The following HECW1 variants were observed in gnomAD, a reference collection of about 807,000 sequenced individuals.
HECW1 encodes the protein E3 ubiquitin-protein ligase HECW1.
A neutral mutation model predicts 182.3 loss-of-function variants in HECW1; 61 were observed. The ratio of observed to expected loss-of-function variants is 0.33; its 90% CI spans 0.27 to 0.41. HECW1 has a LOEUF of 0.41. Ranked by LOEUF, HECW1 falls within the 10% of genes least tolerant of loss-of-function variation. HECW1 has a pLI of 1.00. For synonymous variants in HECW1, 859 were observed against 832.6 expected (o/e 1.03, Z -0.55); for missense variants, 1,739 against 2,108.9 (o/e 0.82, Z 3.44).
At chr7:43,279,462 C>T (rs544698274) in intron 3 of HECW1, among the ~76,000 whole-genome samples, 1 of 152,258 alleles carries the variant, frequency 6.6e-6, no homozygotes, top group African/African-American at 2.4e-5. Context: ...CGGTGAGCTG[C>T]AAGGTTCTGC....
intron 2 of HECW1, among the ~76,000 whole-genome samples, chr7:43,120,261 G>A (rs1403426055): frequency 2.6e-5 from 4 of 152,124 alleles, no homozygotes; most frequent in Admixed American, 6.5e-5. Flanking sequence ...CTGGAGGGAC[G>A]GTCCCCCAGC....
At position 43,502,170 on chromosome 7, in the gene HECW1, A is replaced by G. The variant is rs531732843; in HGVS notation, c.3631+848A>G. Among the ~76,000 whole-genome samples, 25 of 152,318 alleles carry G rather than the reference A, an allele frequency of 1.6e-4. No homozygotes were observed. The South Asian group carries it at 5.2e-3, about 32-fold the overall frequency. ...CCTTGTGACTCTGAATCGATTGCAC[A>G]CCACTTTTGGTGATACAGCTACTAG... On this transcript the variant is annotated intron_variant, in intron 21 of 29. Transcript: ENST00000395891.
At chr7:43,302,341 G>A (rs1312559422) in intron 3 of HECW1, among the ~76,000 whole-genome samples, 1 of 152,222 alleles carries the variant, frequency 6.6e-6, no homozygotes, top group African/African-American at 2.4e-5. Context: ...GGTCAGGGCA[G>A]GCAGCTGCCC....
intron 17 of HECW1, among the ~76,000 whole-genome samples, chr7:43,488,457 AAAG>A (rs1262848323): frequency 6.8e-6 from 1 of 146,334 alleles, no homozygotes; most frequent in East Asian, 2.0e-4. Context: ...AGAAAGAAAG[AAAG>A]AAAGAAAGAA....
intron 3 of HECW1, among the ~76,000 whole-genome samples, chr7:43,304,426 G>A (rs1056417769): frequency 1.3e-5 from 2 of 151,944 alleles, no homozygotes; most frequent in Non-Finnish European, 2.9e-5. Flanking sequence ...CAGCCCACAC[G>A]TTACCCACAA....
intron 6 of HECW1, among the ~76,000 whole-genome samples, chr7:43,367,111 G>T (rs1584648673): frequency 6.6e-6 from 1 of 152,180 alleles, no homozygotes; most frequent in South Asian, 2.1e-4. Flanking sequence ...GATATCACCA[G>T]GTTCATGGCA....
chr7:43,413,986 G>A (rs1468026882), intron 8 of HECW1, among the ~76,000 whole-genome samples: 1 of 149,302 alleles, frequency 6.7e-6, no homozygotes, highest in African/African-American at 2.5e-5. Flanking sequence ...TTCCAATTCT[G>A]TGAAGAAAGT....
chr7:43,518,663 GA>G (rs1471284569), intron 24 of HECW1, among the ~76,000 whole-genome samples: 1 of 152,026 alleles, frequency 6.6e-6, no homozygotes, highest in East Asian at 1.9e-4. Context: ...CTTGCAACTT[GA>G]AAAAAAGAGG....
intron 21 of HECW1, among the ~76,000 whole-genome samples, chr7:43,503,163 A>G (rs1359025970): frequency 7.9e-5 from 12 of 152,348 alleles, no homozygotes; most frequent in Non-Finnish European, 1.3e-4. Flanking sequence ...GGAAATGTGC[A>G]ATGCTTGCTA....
chr7:43,147,824 G>A (rs774589182), intron 2 of HECW1, among the ~76,000 whole-genome samples: 7 of 152,234 alleles, frequency 4.6e-5, no homozygotes, highest in East Asian at 1.9e-4. Flanking sequence ...TAATTGCACC[G>A]TCTAGTTTAT....
In HECW1 at chr7:43,143,205, A is replaced by G. The variant is rs556314033; in HGVS notation, c.-32+28814A>G. Among the ~76,000 whole-genome samples, 11 of 152,296 alleles carry G rather than the reference A, an allele frequency of 7.2e-5. No individual in the cohort carries two copies. The East Asian group carries it at 2.1e-3, about 29-fold the overall frequency. On this transcript the variant is annotated intron_variant, in intron 2 of 29. Coordinates refer to ENST00000395891, the MANE Select transcript of HECW1 (RefSeq NM_015052.5). ...AGACTGGTCGTGAACTCCTGAACTCAGATGATCCACCCACCTCAGCCTCCC... is the reference window on the plus strand; with the variant it reads ...AGACTGGTCGTGAACTCCTGAACTCGGATGATCCACCCACCTCAGCCTCCC...
intron 2 of HECW1, among the ~76,000 whole-genome samples, chr7:43,152,821 T>C (rs1447620282): frequency 6.6e-6 from 1 of 152,208 alleles, no homozygotes; most frequent in Non-Finnish European, 1.5e-5. Context: ...GCTGGTTGTT[T>C]TCTTCAGAGA....
At chr7:43,457,679 G>T (rs549473404) in intron 13 of HECW1, among the ~76,000 whole-genome samples, 1 of 151,802 alleles carries the variant, frequency 6.6e-6, no homozygotes, top group Non-Finnish European at 1.5e-5. Context: ...GGAGGCTGAG[G>T]CAGGAGAATC....
intron 2 of HECW1, among the ~76,000 whole-genome samples, chr7:43,157,052 G>T (rs913278868): frequency 6.6e-6 from 1 of 152,172 alleles, no homozygotes; most frequent in Non-Finnish European, 1.5e-5. Flanking sequence ...GCAAACCTGG[G>T]CTTTGTGCTA....
intron 2 of HECW1, among the ~76,000 whole-genome samples, chr7:43,225,542 T>C (rs374266725): frequency 1.3e-5 from 2 of 152,312 alleles, no homozygotes; most frequent in East Asian, 3.9e-4. Context: ...AATTTTGGAA[T>C]ATACATCAAG....
chr7:43,389,432 AT>A (rs2074930947), intron 6 of HECW1, among the ~76,000 whole-genome samples: 2 of 152,188 alleles, frequency 1.3e-5, no homozygotes, highest in Admixed American at 6.5e-5. Context: ...CCACTCAATT[AT>A]TTTTTAGGAC....
At chr7:43,348,815 GT>G (rs1814019977) in intron 5 of HECW1, among the ~76,000 whole-genome samples, 1 of 152,122 alleles carries the variant, frequency 6.6e-6, no homozygotes, top group African/African-American at 2.4e-5. Flanking sequence ...TATTTGCATG[GT>G]TTTAAAGGTT....
chr7:43,228,515 A>G (rs189404603), intron 2 of HECW1, among the ~76,000 whole-genome samples: 1 of 152,320 alleles, frequency 6.6e-6, no homozygotes, highest in Admixed American at 6.5e-5. Context: ...CTATGGGAAC[A>G]CTCAATGTTG....
chr7:43,282,103 G>A (rs1160342648), intron 3 of HECW1, among the ~76,000 whole-genome samples: 1 of 152,204 alleles, frequency 6.6e-6, no homozygotes, highest in African/African-American at 2.4e-5. Flanking sequence ...CTAGATTGAA[G>A]GACATGTATT....
Sources: gnomAD v4.1 joint callset for allele counts (sites outside exome capture counted in the v4.1 genomes callset) on GRCh38, gnomAD v4.1.1 for gene constraint, MANE v1.5 for transcripts, NCBI Gene and HGNC (gene_info 2026-07-23, HGNC 2026-07-21) for gene names.